MYO9A: variants seen among roughly 807,000 people sequenced by gnomAD.
MYO9A encodes the protein myosin IXA.
In MYO9A, 103 loss-of-function variants were observed where a neutral mutation model predicts 293.3. The observed-to-expected ratio is 0.35, with a 90% CI of 0.30 to 0.41. The LOEUF (loss-of-function observed/expected upper bound fraction) is 0.41. Ranked by LOEUF, MYO9A falls within the 10% of genes least tolerant of loss-of-function variation. The pLI, the probability that MYO9A is intolerant of heterozygous loss-of-function variation, is 1.00. For missense variants in MYO9A, 2,685 were observed against 3,033.0 expected, an observed-to-expected ratio of 0.89 and a Z score of 2.69; for synonymous variants, 1,001 against 1,035.7, an observed-to-expected ratio of 0.97 and a Z score of 0.64.
chr15:72,097,953 A>C (rs2080119195), intron 1 of MYO9A, among the ~76,000 whole-genome samples: 1 of 152,060 alleles, frequency 6.6e-6, no homozygotes. Context: ...AAAAAGAAGA[A>C]ACAGAAAAAG....
intron 1 of MYO9A, among the ~76,000 whole-genome samples, chr15:72,070,279 TA>T (rs1380460142): frequency 6.8e-6 from 1 of 147,940 alleles, no homozygotes; most frequent in African/African-American, 2.5e-5. Context: ...CCATCCCTAC[TA>T]AAACTACAAA....
intron 14 of MYO9A, 148 bp from the exon 15 acceptor site, chr15:71,952,044 T>A: frequency 1.3e-6 from 1 of 795,004 alleles, no homozygotes; most frequent in Non-Finnish European, 1.8e-6. Flanking sequence ...TATATGTGAA[T>A]GTCCAATTAT....
Position 71,950,916 on chromosome 15 carries a change from T to G in MYO9A, c.2302+861A>C, listed in dbSNP as rs2059033737. 7.2e-5 allele frequency among the ~76,000 whole-genome samples: 11 copies of G among 152,358 alleles called. No homozygotes were observed. In the South Asian group the frequency reaches 1.9e-3, roughly 26 times the overall value. On this transcript the variant is annotated intron_variant, in intron 15 of 41. Transcript: ENST00000356056. ...ATTGCTGAGTTGTCTTTGAGTATTT[T>G]GAAGGATCCACTTATTCTCACAATA...
chr15:72,064,091 T>C (rs973839700), intron 1 of MYO9A, among the ~76,000 whole-genome samples: 2 of 152,152 alleles, frequency 1.3e-5, no homozygotes, highest in Admixed American at 1.3e-4. Context: ...TCTCATTCAT[T>C]TGTGGGAGCT....
intron 9 of MYO9A, among the ~76,000 whole-genome samples, chr15:71,998,049 T>C (rs1272903759): frequency 1.3e-5 from 2 of 152,138 alleles, no homozygotes; most frequent in Non-Finnish European, 1.5e-5. Context: ...CTATTCACAA[T>C]AGCAAAGACA....
At chr15:71,887,343 GC>G (rs2057050127) in intron 27 of MYO9A, among the ~76,000 whole-genome samples, 1 of 152,102 alleles carries the variant, frequency 6.6e-6, no homozygotes, top group South Asian at 2.1e-4. Context: ...ATATTTTTAA[GC>G]TAAAGGCAAT....
chr15:71,954,218 T>TA (rs1237790848), intron 14 of MYO9A, among the ~76,000 whole-genome samples: 25 of 151,920 alleles, frequency 1.6e-4, no homozygotes, highest in Non-Finnish European at 2.9e-4. Flanking sequence ...TTTCTTTTTT[T>TA]AAGATGGAGT....
intron 15 of MYO9A, 59 bp from the exon 16 acceptor site, chr15:71,938,986 A>G (rs890642190): frequency 5.9e-5 from 80 of 1,359,330 alleles, no homozygotes; most frequent in Non-Finnish European, 7.8e-5. Flanking sequence ...TGAAACGTGA[A>G]ATAGTTTTTC....
At chr15:71,982,005 A>ATT (rs750930471) in intron 11 of MYO9A, among the ~76,000 whole-genome samples, 611 of 56,370 alleles carry the variant, frequency 0.011, 49 homozygotes, top group African/African-American at 0.033. Flanking sequence ...CCTATTTAGA[A>ATT]TTTTTTTTTT....
chr15:71,868,500 TG>T (rs1227461974), intron 32 of MYO9A, among the ~76,000 whole-genome samples: 2 of 152,218 alleles, frequency 1.3e-5, no homozygotes, highest in African/African-American at 4.8e-5. Context: ...TAAAGTGAGT[TG>T]ATTAGCCATC....
At position 71,999,930 on chromosome 15, in the gene MYO9A, T is replaced by C. The variant is rs143467573; in HGVS notation, c.1391A>G (p.Glu464Gly). Residue 464 changes from glutamate to glycine, a missense_variant, in exon 9 of 42, where the codon GAG becomes GGG. Around this residue, in one of 10 missense-constraint regions of MYO9A, gnomAD observed 289 missense variants for 456.8 expected, o/e 0.63. Transcript: ENST00000356056. ...TGTAACTAATGCTTCAAATAGCATC[T>C]CTTCTTTAACCTATAAAACAGAAAA... is the stretch of plus-strand genomic sequence containing the variant. Reference protein sequence around the residue: ...IVSELLEVKEEMLFEALVTRK... With the variant: ...IVSELLEVKEGMLFEALVTRK... 1.9e-6 allele frequency: 3 copies of C among 1,611,170 alleles called. No individual in the cohort carries two copies.
intron 18 of MYO9A, among the ~76,000 whole-genome samples, chr15:71,921,239 T>C (rs2058148235): frequency 6.6e-6 from 1 of 152,192 alleles, no homozygotes; most frequent in Admixed American, 6.5e-5. Flanking sequence ...CGAACTTGAG[T>C]TCATGAAAGC....
intron 39 of MYO9A, among the ~76,000 whole-genome samples, chr15:71,844,531 C>T (rs4777466): frequency 0.33 from 50,479 of 151,858 alleles, 9,249 homozygotes; most frequent in East Asian, 0.59. Flanking sequence ...TTGAGGGAAA[C>T]AGGATACCCT....
chr15:71,883,208 C>G (rs1215228021), intron 28 of MYO9A, among the ~76,000 whole-genome samples: 2 of 152,120 alleles, frequency 1.3e-5, no homozygotes, highest in African/African-American at 4.8e-5. Context: ...GACTTAATAA[C>G]CATAACATGC....
intron 3 of MYO9A, among the ~76,000 whole-genome samples, chr15:72,032,041 G>A (rs2077888325): frequency 6.6e-6 from 1 of 152,002 alleles, no homozygotes; most frequent in African/African-American, 2.4e-5. Flanking sequence ...TAAGTAGCTA[G>A]GACTACAGGT....
At position 72,046,208 on chromosome 15, in the gene MYO9A, C is replaced by T; in HGVS notation, c.356G>A (p.Gly119Asp). ...EKNLDGSIHY[G>D]SLQSWLRVTE... ...TACCCGTAGCCATGACTGCAGGCTA[C>T]CATAATGGATTGATCCATCAAGGTT... The change falls in exon 2 of 42, where the codon GGT (glycine) becomes GAT (aspartate). Residue 119 changes from glycine (G) to aspartate (D), a missense_variant. Coordinates refer to ENST00000356056, the MANE Select transcript of MYO9A (RefSeq NM_006901.4). 1 of 1,614,000 alleles carries T rather than the reference C, an allele frequency of 6.2e-7. No individual in the cohort carries two copies. The highest frequency in any genetic ancestry group is 8.5e-7 in the Non-Finnish European group (1 of 1,179,976).
intron 28 of MYO9A, among the ~76,000 whole-genome samples, 176 bp downstream of exon 28, chr15:71,883,418 T>G (rs937001831): frequency 1.3e-5 from 2 of 152,202 alleles, no homozygotes; most frequent in African/African-American, 4.8e-5. Flanking sequence ...AAACTTCTAT[T>G]GTAGGAAAAA....
At chr15:72,028,647 C>CA (rs200894392) in intron 3 of MYO9A, among the ~76,000 whole-genome samples, 2,426 of 132,670 alleles carry the variant, frequency 0.018, 52 homozygotes, top group African/African-American at 0.057. Flanking sequence ...AACTTCGTCT[C>CA]AAAAAAAAAA....
intron 13 of MYO9A, among the ~76,000 whole-genome samples, chr15:71,961,469 G>A (rs1367290432): frequency 6.6e-6 from 1 of 152,138 alleles, no homozygotes; most frequent in Non-Finnish European, 1.5e-5. Flanking sequence ...GTTAGTATGT[G>A]TCTGGCACTC....
Sources: gnomAD v4.1 joint callset for allele counts (sites outside exome capture counted in the v4.1 genomes callset) on GRCh38, gnomAD v4.1.1 for gene constraint, gnomAD v4.1.1 regional missense constraint, MANE v1.5 for transcripts, NCBI Gene and HGNC (gene_info 2026-07-23, HGNC 2026-07-21) for gene names.